BTBD9: variants seen among roughly 807,000 people sequenced by gnomAD.
BTBD9 encodes the protein BTB/POZ domain-containing protein 9.
Under a neutral mutation model 64.3 loss-of-function variants are expected in BTBD9, and 49 were observed. The ratio of observed to expected loss-of-function variants is 0.76; its 90% CI spans 0.61 to 0.97. The LOEUF (loss-of-function observed/expected upper bound fraction) is 0.97. Among genes scored for constraint, BTBD9 ranks in the 50% least tolerant of loss-of-function variants. BTBD9 has a pLI of 0.00. For synonymous variants in BTBD9, 260 were observed against 274.7 expected (o/e 0.95, Z 0.53); for missense variants, 598 against 762.1 (o/e 0.78, Z 2.53).
At chr6:38,511,013 G>T (rs1463403564) in intron 6 of BTBD9, among the ~76,000 whole-genome samples, 1 of 151,966 alleles carries the variant, frequency 6.6e-6, no homozygotes, top group East Asian at 1.9e-4. Flanking sequence ...TTATATATAG[G>T]GTTGCTTACA....
intron 6 of BTBD9, among the ~76,000 whole-genome samples, chr6:38,422,178 A>G (rs1224866468): frequency 2.0e-5 from 3 of 152,074 alleles, no homozygotes; most frequent in African/African-American, 7.2e-5. Flanking sequence ...TTTCTCCTTT[A>G]TGGTACAGCT....
intron 1 of BTBD9, among the ~76,000 whole-genome samples, chr6:38,601,263 G>A (rs1030550558): frequency 6.6e-6 from 1 of 152,082 alleles, no homozygotes; most frequent in Admixed American, 6.5e-5. Flanking sequence ...AATTTATTTA[G>A]GATATAATTT....
At chr6:38,420,250 T>C (rs1767843600) in intron 6 of BTBD9, among the ~76,000 whole-genome samples, 1 of 152,206 alleles carries the variant, frequency 6.6e-6, no homozygotes. Flanking sequence ...TGAAGAGATT[T>C]TTCTTTAATG....
At chr6:38,439,247 C>T (rs887933314) in intron 6 of BTBD9, among the ~76,000 whole-genome samples, 2 of 151,486 alleles carry the variant, frequency 1.3e-5, no homozygotes, top group Non-Finnish European at 2.9e-5. Context: ...CCTTAGCCTC[C>T]CAAGTAGCTG....
rs942677650 is a variant in BTBD9, at chr6:38,416,310, T to C, written c.1155-71217A>G. On this transcript the variant is annotated intron_variant, in intron 6 of 10. Transcript: ENST00000481247. ...AGAGGTAGTGCTGTAGTCAGCCCTATGGAGGAGTCAGGTGTCCCCCTCTGT... is the reference window on the plus strand; with the variant it reads ...AGAGGTAGTGCTGTAGTCAGCCCTACGGAGGAGTCAGGTGTCCCCCTCTGT... 2.6e-5 allele frequency among the ~76,000 whole-genome samples: 4 copies of C among 150,970 alleles called. No homozygotes were observed. The South Asian group carries it at 6.3e-4, about 24-fold the overall frequency.
intron 1 of BTBD9, among the ~76,000 whole-genome samples, chr6:38,638,935 C>T (rs1221025912): frequency 1.3e-5 from 2 of 152,148 alleles, no homozygotes. Flanking sequence ...TGAGCTACAC[C>T]TTTACATGCT....
chr6:38,266,803 C>G (rs1007240247), intron 8 of BTBD9, among the ~76,000 whole-genome samples: 1 of 152,132 alleles, frequency 6.6e-6, no homozygotes, highest in Non-Finnish European at 1.5e-5. Flanking sequence ...TAATACAGCC[C>G]CTTCCTTAAG....
intron 8 of BTBD9, among the ~76,000 whole-genome samples, chr6:38,258,206 G>A (rs754549462): frequency 7.9e-5 from 12 of 151,746 alleles, no homozygotes; most frequent in African/African-American, 1.9e-4. Context: ...GGCTGGTCTC[G>A]AACTCCTGAC....
At chr6:38,571,603 C>T (rs1241888907) in intron 6 of BTBD9, 1 of 152,152 alleles carries the variant, frequency 6.6e-6, no homozygotes, top group East Asian at 1.9e-4. Flanking sequence ...CCACAGTAGA[C>T]CAGCTACTGC....
chr6:38,242,239 G>C (rs1352646517), intron 9 of BTBD9, among the ~76,000 whole-genome samples: 5 of 152,214 alleles, frequency 3.3e-5, no homozygotes, highest in African/African-American at 1.2e-4. Context: ...ACATGAGCCA[G>C]TAGCAGATGG....
At chr6:38,631,531 T>C (rs1006095938) in intron 1 of BTBD9, among the ~76,000 whole-genome samples, 2 of 152,222 alleles carry the variant, frequency 1.3e-5, no homozygotes, top group Non-Finnish European at 2.9e-5. Context: ...CCTTGCTCTC[T>C]CTTGCATCAC....
chr6:38,410,505 A>C (rs530099974), intron 6 of BTBD9, among the ~76,000 whole-genome samples: 1 of 152,204 alleles, frequency 6.6e-6, no homozygotes, highest in East Asian at 1.9e-4. Context: ...AATAAAAAAT[A>C]ATGTTAATGG....
At chr6:38,595,695 G>A (rs539075735) in intron 2 of BTBD9, 2 of 860,224 alleles carry the variant, frequency 2.3e-6, no homozygotes, top group African/African-American at 1.8e-5. Flanking sequence ...CCTCCCCCAG[G>A]ACCTAGCATT....
At chr6:38,632,010 C>G (rs1223512743) in intron 1 of BTBD9, among the ~76,000 whole-genome samples, 1 of 152,144 alleles carries the variant, frequency 6.6e-6, no homozygotes, top group Non-Finnish European at 1.5e-5. Context: ...TGCCTGTAAT[C>G]CCAGCTACTC....
In BTBD9 at chr6:38,279,746, C is replaced by T. The variant is rs73420795; in HGVS notation, c.1454+8526G>A. On this transcript the variant is annotated intron_variant, in intron 8 of 10. Transcript: ENST00000481247. The stretch of plus-strand genomic sequence containing the variant: ...TTAAAATGATTGCTATAATCACTAC[C>T]GGTGAAGTATTTGTTTTAAAGAGTT... Among the ~76,000 whole-genome samples the T allele has an allele frequency of 3.5e-3, 527 of 152,142 alleles. 8 individuals are homozygous for T. The highest frequency in any genetic ancestry group is 0.011 in the African/African-American group (456 of 41,528).
intron 1 of BTBD9, among the ~76,000 whole-genome samples, 175 bp downstream of exon 1, chr6:38,639,625 G>C (rs958101110): frequency 5.9e-5 from 9 of 152,110 alleles, no homozygotes; most frequent in African/African-American, 2.2e-4. Context: ...CGCTCTCCCA[G>C]AGCACCCGGG....
At chr6:38,186,399 C>A (rs1761820945) in intron 10 of BTBD9, among the ~76,000 whole-genome samples, 1 of 152,176 alleles carries the variant, frequency 6.6e-6, no homozygotes, top group Non-Finnish European at 1.5e-5. Flanking sequence ...GCTGAGATAT[C>A]TGGTGCACAT....
At chr6:38,396,453 G>A (rs1766677520) in intron 6 of BTBD9, among the ~76,000 whole-genome samples, 1 of 152,206 alleles carries the variant, frequency 6.6e-6, no homozygotes, top group Non-Finnish European at 1.5e-5. Flanking sequence ...GCGGTTGGAG[G>A]AAGTCAATGG....
chr6:38,402,073 A>G (rs949813329), intron 6 of BTBD9, among the ~76,000 whole-genome samples: 9 of 152,204 alleles, frequency 5.9e-5, no homozygotes, highest in African/African-American at 2.2e-4. Flanking sequence ...TGAAAATAAA[A>G]TTAAGAAAAC....
Sources: gnomAD v4.1 joint callset for allele counts (sites outside exome capture counted in the v4.1 genomes callset) on GRCh38, gnomAD v4.1.1 for gene constraint, MANE v1.5 for transcripts, NCBI Gene and HGNC (gene_info 2026-07-23, HGNC 2026-07-21) for gene names.